The following MAGI2 variants were observed in gnomAD, a reference collection of about 807,000 sequenced individuals.
MAGI2 encodes membrane-associated guanylate kinase, WW and PDZ domain-containing protein 2.
In MAGI2, 35 loss-of-function variants were observed where a neutral mutation model predicts 133.3. The observed-to-expected ratio is 0.26, with a 90% CI of 0.20 to 0.35. MAGI2 has a LOEUF of 0.35. Among genes scored for constraint, MAGI2 ranks in the 10% least tolerant of loss-of-function variants. The probability of loss-of-function intolerance (pLI) is 1.00; values close to 1 mark genes in which losing one functional copy is unlikely to be tolerated. For synonymous variants in MAGI2, 729 were observed against 710.6 expected (o/e 1.03, Z -0.41); for missense variants, 1,636 against 1,863.4 (o/e 0.88, Z 2.25).
At chr7:79,425,767 TAGAG>T (rs1298930556) in intron 1 of MAGI2, among the ~76,000 whole-genome samples, 2 of 147,876 alleles carry the variant, frequency 1.4e-5, no homozygotes, top group Admixed American at 1.4e-4. Flanking sequence ...ACAGACAAAA[TAGAG>T]AGAGAGAGGG....
intron 10 of MAGI2, among the ~76,000 whole-genome samples, chr7:78,247,488 TA>T (rs1333510569): frequency 6.6e-6 from 1 of 151,922 alleles, no homozygotes; most frequent in Non-Finnish European, 1.5e-5. Flanking sequence ...GAATTAAAAA[TA>T]ATGGGCTTTA....
intron 2 of MAGI2, among the ~76,000 whole-genome samples, chr7:78,658,448 C>A (rs918538525): frequency 6.6e-6 from 1 of 152,044 alleles, no homozygotes; most frequent in Admixed American, 6.5e-5. Context: ...AAAGCACAAC[C>A]CATAGAAGGG....
intron 2 of MAGI2, among the ~76,000 whole-genome samples, chr7:78,999,766 A>G (rs1242116348): frequency 1.3e-5 from 2 of 152,190 alleles, no homozygotes; most frequent in Non-Finnish European, 2.9e-5. Flanking sequence ...CTCCCAAGAA[A>G]TTAAGTTTCG....
chr7:79,173,670 T>C (rs138959925), intron 1 of MAGI2, among the ~76,000 whole-genome samples: 13 of 152,174 alleles, frequency 8.5e-5, no homozygotes, highest in African/African-American at 3.1e-4. Flanking sequence ...ACAAAATGAT[T>C]ACACTAACCA....
chr7:78,653,878 G>A (rs1013749428), intron 2 of MAGI2, among the ~76,000 whole-genome samples: 1 of 151,890 alleles, frequency 6.6e-6, no homozygotes, highest in African/African-American at 2.4e-5. Flanking sequence ...GTACTCTGAG[G>A]TCAAAAGATT....
intron 6 of MAGI2, among the ~76,000 whole-genome samples, chr7:78,375,580 T>A (rs914540573): frequency 6.0e-5 from 9 of 149,076 alleles, no homozygotes; most frequent in Middle Eastern, 6.8e-3. Context: ...CTAGCCTTTT[T>A]AAAAAAAAAA....
At chr7:78,826,657 T>TA (rs1790679808) in intron 2 of MAGI2, among the ~76,000 whole-genome samples, 2 of 152,120 alleles carry the variant, frequency 1.3e-5, no homozygotes, top group South Asian at 2.1e-4. Flanking sequence ...TTATGCAAAT[T>TA]AAAAAATTGT....
At chr7:78,594,221 G>T (rs1804346368) in intron 3 of MAGI2, among the ~76,000 whole-genome samples, 1 of 152,190 alleles carries the variant, frequency 6.6e-6, no homozygotes, top group Non-Finnish European at 1.5e-5. Context: ...CATTTGTTAA[G>T]ATAATGTTGC....
At chr7:78,680,681 G>A (rs1488443242) in intron 2 of MAGI2, among the ~76,000 whole-genome samples, 1 of 152,148 alleles carries the variant, frequency 6.6e-6, no homozygotes, top group Non-Finnish European at 1.5e-5. Context: ...TGTAACCTAT[G>A]CTGAGTTTTG....
intron 1 of MAGI2, among the ~76,000 whole-genome samples, chr7:79,437,281 A>G: frequency 6.6e-6 from 1 of 151,922 alleles, no homozygotes; most frequent in African/African-American, 2.4e-5. Context: ...ATAGTACCTC[A>G]AACCTCAGCA....
intron 1 of MAGI2, among the ~76,000 whole-genome samples, chr7:79,205,290 T>C (rs1585197517): frequency 1.3e-5 from 2 of 152,054 alleles, no homozygotes; most frequent in South Asian, 2.1e-4. Context: ...GACTTCTCAG[T>C]AGAAACCTCA....
At chr7:78,360,533 C>T (rs997660798) in intron 7 of MAGI2, among the ~76,000 whole-genome samples, 3 of 152,148 alleles carry the variant, frequency 2.0e-5, no homozygotes, top group Admixed American at 6.5e-5. Flanking sequence ...TGTTTAATCT[C>T]GAGAGAGGAA....
chr7:78,680,797 C>T (rs555429945), intron 2 of MAGI2, among the ~76,000 whole-genome samples: 2 of 152,236 alleles, frequency 1.3e-5, no homozygotes, highest in Admixed American at 1.3e-4. Context: ...AAGCTTATCA[C>T]CTTCTTCCAT....
intron 13 of MAGI2, among the ~76,000 whole-genome samples, chr7:78,178,774 G>A (rs751341418): frequency 1.3e-5 from 2 of 152,118 alleles, no homozygotes; most frequent in African/African-American, 4.8e-5. Context: ...CTGGGTCTAA[G>A]GTGGACTTTT....
At chr7:78,235,409 C>A (rs1209983911) in intron 10 of MAGI2, among the ~76,000 whole-genome samples, 1 of 152,192 alleles carries the variant, frequency 6.6e-6, no homozygotes, top group African/African-American at 2.4e-5. Flanking sequence ...CCACCCAAGT[C>A]TCATCTTGAA....
At chr7:78,196,641 T>C (rs78227995) in intron 11 of MAGI2, among the ~76,000 whole-genome samples, 3,771 of 152,246 alleles carry the variant, frequency 0.025, 141 homozygotes, top group African/African-American at 0.085. Context: ...ACTGTGCACA[T>C]GTGCTGTGTA....
chr7:78,569,147 C>T (rs73143126), intron 3 of MAGI2, among the ~76,000 whole-genome samples: 12 of 150,564 alleles, frequency 8.0e-5, no homozygotes, highest in Admixed American at 1.3e-4. Context: ...CACACACACA[C>T]GTCACTATTC....
At chr7:79,427,625 C>A (rs1028460590) in intron 1 of MAGI2, among the ~76,000 whole-genome samples, 1 of 152,038 alleles carries the variant, frequency 6.6e-6, no homozygotes, top group South Asian at 2.1e-4. Flanking sequence ...TCCATGTTGT[C>A]CAGCATAGCT....
At chr7:78,134,938 G>C (rs897850561) in intron 17 of MAGI2, 83 bp downstream of exon 17, 3 of 1,276,658 alleles carry the variant, frequency 2.3e-6, no homozygotes, top group South Asian at 1.3e-5. Context: ...TGCACTCCGC[G>C]ACCCTGGCGG....
Sources: gnomAD v4.1 joint callset for allele counts (sites outside exome capture counted in the v4.1 genomes callset) on GRCh38, gnomAD v4.1.1 for gene constraint, MANE v1.5 for transcripts, NCBI Gene and HGNC (gene_info 2026-07-23, HGNC 2026-07-21) for gene names.